Variants in CLTC observed in about 807,000 individuals in gnomAD.
CLTC encodes the protein clathrin heavy chain 1.
A neutral mutation model predicts 195.8 loss-of-function variants in CLTC; 16 were observed. The observed-to-expected ratio is 0.08, with a 90% CI of 0.06 to 0.12. The LOEUF (loss-of-function observed/expected upper bound fraction) is 0.12. CLTC is among the 10% of genes least tolerant of loss of function. The probability of loss-of-function intolerance (pLI) is 1.00; values close to 1 mark genes in which losing one functional copy is unlikely to be tolerated. For synonymous variants in CLTC, 667 were observed against 689.4 expected, an observed-to-expected ratio of 0.97 and a Z score of 0.51; for missense variants, 796 against 2,027.0, an observed-to-expected ratio of 0.39 and a Z score of 11.66.
At chr17:59,686,022 T>G (rs1272291680) in intron 30 of CLTC, among the ~76,000 whole-genome samples, 1 of 152,182 alleles carries the variant, frequency 6.6e-6, no homozygotes, top group Non-Finnish European at 1.5e-5. Context: ...CTCAGTGTAT[T>G]TATGAGGGTG....
At chr17:59,659,639 G>A (rs1377845017) in intron 6 of CLTC, among the ~76,000 whole-genome samples, 1 of 151,472 alleles carries the variant, frequency 6.6e-6, no homozygotes. Flanking sequence ...TAGTAGAGGT[G>A]GGGTTTCACC....
intron 16 of CLTC, 22 bp from the exon 17 acceptor site, chr17:59,676,931 AG>A: frequency 6.5e-7 from 1 of 1,530,738 alleles, no homozygotes. Flanking sequence ...TGTGTGTGTG[AG>A]GTTTTTTTCC....
chr17:59,695,821 A>G lies in CLTC; in HGVS notation c.*1969A>G, dbSNP rs1474904180. 1 of 177,412 alleles carries G rather than the reference A, an allele frequency of 5.6e-6. No homozygotes were observed. Among genetic ancestry groups the G allele is most frequent in the Non-Finnish European group, 1.1e-5 (1 of 88,000 alleles). The allele number at this position is 177,412 out of a possible 1,614,324, so 11.0% of individuals were successfully genotyped here. A position where few individuals can be genotyped will look rare whatever the true frequency, so the allele number is the denominator to read the frequency against. On this transcript the variant is annotated 3_prime_UTR_variant, in exon 32 of 32. Transcript: ENST00000269122. ...CACTGCTTTTGCACCCTCAGTGCAA[A>G]TATCAACACAGAGAAAAAAAAAATA...
At chr17:59,629,174 GTC>G (rs1650464314) in intron 1 of CLTC, among the ~76,000 whole-genome samples, 1 of 152,308 alleles carries the variant, frequency 6.6e-6, no homozygotes, top group African/African-American at 2.4e-5. Context: ...TCTTTCTCCA[GTC>G]TCTGCAATAT....
At chr17:59,693,593 G>A (rs1411783111) in intron 31 of CLTC, 135 bp from the exon 32 acceptor site, 2 of 1,059,018 alleles carry the variant, frequency 1.9e-6, no homozygotes, top group Non-Finnish European at 2.6e-6. Flanking sequence ...GCAATCAAAT[G>A]TGCCCCCCAT....
At chr17:59,620,290 T>C (rs2031326989) in intron 1 of CLTC, 117 bp downstream of exon 1, 2 of 970,800 alleles carry the variant, frequency 2.1e-6, no homozygotes, top group East Asian at 2.5e-5. Context: ...TTGTCGGTGA[T>C]TGGGGTAGGT....
At chr17:59,692,845 G>A (rs899673880) in intron 31 of CLTC, among the ~76,000 whole-genome samples, 9 of 151,586 alleles carry the variant, frequency 5.9e-5, no homozygotes, top group Non-Finnish European at 7.4e-5. Context: ...TCACCATATC[G>A]GCCACGCTGG....
chr17:59,692,563 A>G (rs2033329908), intron 31 of CLTC, among the ~76,000 whole-genome samples: 1 of 152,250 alleles, frequency 6.6e-6, no homozygotes, highest in Non-Finnish European at 1.5e-5. Flanking sequence ...AAACTTTATA[A>G]GAAAGAGTGT....
At chr17:59,621,044 G>A (rs1177772042) in intron 1 of CLTC, among the ~76,000 whole-genome samples, 1 of 152,164 alleles carries the variant, frequency 6.6e-6, no homozygotes, top group East Asian at 1.9e-4. Flanking sequence ...AGAGCCCTGG[G>A]GACAGCACAG....
chr17:59,643,011 C>T (rs1418307433), intron 1 of CLTC, among the ~76,000 whole-genome samples: 1 of 151,924 alleles, frequency 6.6e-6, no homozygotes, highest in Non-Finnish European at 1.5e-5. Context: ...GTTAACTTGG[C>T]TGGTTTAGTC....
chr17:59,686,466 A>G (rs1487143830), intron 30 of CLTC, among the ~76,000 whole-genome samples: 1 of 152,134 alleles, frequency 6.6e-6, no homozygotes, highest in Non-Finnish European at 1.5e-5. Flanking sequence ...CAAAGCAAAA[A>G]ACATGATTAA....
Position 59,664,812 on chromosome 17 carries a change from T to G in CLTC, c.1547T>G (p.Phe516Cys). 1 of 1,614,114 alleles carries G rather than the reference T, an allele frequency of 6.2e-7. No individual in the cohort carries two copies. Residue 516 changes from phenylalanine to cysteine, a missense_variant, in exon 10 of 32, where the codon TTT (phenylalanine) becomes TGT (cysteine). Transcript: ENST00000269122. ...KKVGYTPDWI[F>C]LLRNVMRISP... ...GTTGGATACACTCCAGATTGGATAT[T>G]TCTGCTGAGAAATGTAATGCGAATC...
chr17:59,637,279 C>T (rs1283287756), intron 1 of CLTC, among the ~76,000 whole-genome samples: 2 of 150,720 alleles, frequency 1.3e-5, no homozygotes, highest in East Asian at 2.0e-4. Flanking sequence ...GAGTCTTGCT[C>T]TGTCGCCCAG....
chr17:59,639,803 T>TA (rs34219678), intron 1 of CLTC, among the ~76,000 whole-genome samples: 121,709 of 142,688 alleles, frequency 0.85, 51,829 homozygotes, highest in East Asian at 0.93. Context: ...ACCTGTCTCT[T>TA]AAAAAAAAAA....
At chr17:59,661,763 AAC>A (rs1354869057) in intron 8 of CLTC, 120 bp downstream of exon 8, 4 of 813,490 alleles carry the variant, frequency 4.9e-6, no homozygotes, top group Non-Finnish European at 8.0e-6. Flanking sequence ...ACAGAACAAA[AAC>A]ACACATTGCA....
At position 59,668,722 on chromosome 17, in the gene CLTC, T is replaced by G; in HGVS notation, c.2129-55T>G. ...AGTTTTTTAATTACATAAATGTTTTTCAGTCATTCTCAAAAGTGTGCCTAT... is the reference window on the plus strand; with the variant it reads ...AGTTTTTTAATTACATAAATGTTTTGCAGTCATTCTCAAAAGTGTGCCTAT... On this transcript the variant is annotated intron_variant, in intron 13 of 31. Coordinates refer to ENST00000269122, the MANE Select transcript of CLTC (RefSeq NM_004859.4). 4.2e-6 allele frequency: 6 copies of G among 1,432,412 alleles called. No homozygotes were observed. The South Asian group carries it at 7.9e-5, about 19-fold the overall frequency. 88.7% of individuals were successfully genotyped at this position (1,432,412 alleles called of 1,614,324 possible). A position where few individuals can be genotyped will look rare whatever the true frequency, so the allele number is the denominator to read the frequency against.
In CLTC at chr17:59,696,727, C is replaced by G. The variant is rs545128225; in HGVS notation, c.*2875C>G. On this transcript the variant is annotated 3_prime_UTR_variant, in exon 32 of 32. Coordinates refer to ENST00000269122, the MANE Select transcript of CLTC (RefSeq NM_004859.4). ...AAATACTAGCAGGGATGACAAACTACGTTCACTTTACAGTTACCATAAATT... is the reference window on the plus strand; with the variant it reads ...AAATACTAGCAGGGATGACAAACTAGGTTCACTTTACAGTTACCATAAATT... 3.9e-5 allele frequency: 8 copies of G among 207,290 alleles called. No individual in the cohort carries two copies. Among genetic ancestry groups the G allele is most frequent in the African/African-American group, 1.8e-4 (8 of 44,066 alleles). The allele number at this position is 207,290 out of a possible 1,614,324, so 12.8% of individuals were successfully genotyped here. A position where few individuals can be genotyped will look rare whatever the true frequency, so the allele number is the denominator to read the frequency against.
At chr17:59,628,356 G>GT (rs1032585564) in intron 1 of CLTC, among the ~76,000 whole-genome samples, 3 of 152,264 alleles carry the variant, frequency 2.0e-5, no homozygotes, top group South Asian at 2.1e-4. Context: ...ACTACAGTAT[G>GT]TTTTTGTATT....
intron 30 of CLTC, among the ~76,000 whole-genome samples, chr17:59,686,133 C>G (rs558139068): frequency 8.5e-5 from 13 of 152,108 alleles, no homozygotes; most frequent in African/African-American, 1.7e-4. Flanking sequence ...ATATTCATGA[C>G]TAGTATTGTA....
Sources: allele counts gnomAD v4.1 joint callset (sites outside exome capture counted in the v4.1 genomes callset), GRCh38; gene constraint gnomAD v4.1.1; transcripts MANE v1.5; gene names NCBI Gene and HGNC (gene_info 2026-07-23, HGNC 2026-07-21).